The following RBFOX1 variants were observed in gnomAD, a reference collection of about 807,000 sequenced individuals.
RBFOX1 encodes RNA binding fox-1 homolog 1, also known as RNA binding protein fox-1 homolog 1.
A neutral mutation model predicts 57.7 loss-of-function variants in RBFOX1; 8 were observed. The observed-to-expected ratio is 0.14, with a 90% CI of 0.08 to 0.25. The LOEUF is 0.25. Among genes scored for constraint, RBFOX1 ranks in the 10% least tolerant of loss-of-function variants. The pLI, the probability that RBFOX1 is intolerant of heterozygous loss-of-function variation, is 1.00. For synonymous variants in RBFOX1, 326 were observed against 222.4 expected (o/e 1.47, Z -4.15); for missense variants, 611 against 548.5 (o/e 1.11, Z -1.14).
rs117840579 is a variant in RBFOX1 at position 6,337,803 on chromosome 16, G to A, written c.-64+20746G>A. Among the ~76,000 whole-genome samples, 619 of 152,254 alleles carry A rather than the reference G, an allele frequency of 4.1e-3. 14 individuals are homozygous for A. In the East Asian group the frequency reaches 0.074, roughly 18 times the overall value. Reference sequence around the variant, plus strand: ...TAAGAAAATTTTTCCACGTTGAGACGAATCCTCCTGCCTCTTCTTGAGAAT... The same window carrying A: ...TAAGAAAATTTTTCCACGTTGAGACAAATCCTCCTGCCTCTTCTTGAGAAT... On this transcript the variant is annotated intron_variant, in intron 2 of 15. Coordinates refer to ENST00000550418, the MANE Select transcript of RBFOX1 (RefSeq NM_018723.4).
At chr16:5,481,453 T>C (rs2069538946) in intron 2 of RBFOX1, among the ~76,000 whole-genome samples, 1 of 152,154 alleles carries the variant, frequency 6.6e-6, no homozygotes, top group Admixed American at 6.5e-5. Context: ...GTCAGCAGGG[T>C]TTATTATGGT....
chr16:5,496,894 A>G (rs2043019613), intron 2 of RBFOX1, among the ~76,000 whole-genome samples: 1 of 152,206 alleles, frequency 6.6e-6, no homozygotes, highest in Admixed American at 6.5e-5. Context: ...ATCATTTGCC[A>G]CCATTGATTT....
At chr16:7,694,284 C>A (rs1199756950) in intron 14 of RBFOX1, among the ~76,000 whole-genome samples, 1 of 152,184 alleles carries the variant, frequency 6.6e-6, no homozygotes, top group South Asian at 2.1e-4. Context: ...TAAACTGAAC[C>A]TTACAAATAA....
chr16:5,263,086 G>C (rs961769546), intron 1 of RBFOX1, among the ~76,000 whole-genome samples: 10 of 151,920 alleles, frequency 6.6e-5, no homozygotes, highest in African/African-American at 1.9e-4. Context: ...GGTGGTGGTG[G>C]TGGTGGTGGT....
intron 13 of RBFOX1, among the ~76,000 whole-genome samples, chr16:7,676,424 A>G (rs762200255): frequency 6.6e-6 from 1 of 152,232 alleles, no homozygotes; most frequent in Non-Finnish European, 1.5e-5. Context: ...AATTTTGAAA[A>G]TCTGGAAAGT....
chr16:6,249,928 C>T (rs1274325733), intron 1 of RBFOX1, among the ~76,000 whole-genome samples: 1 of 152,004 alleles, frequency 6.6e-6, no homozygotes. Context: ...CTCCCCACTC[C>T]CCCTACCCCA....
At chr16:6,261,043 T>C (rs1247637452) in intron 1 of RBFOX1, among the ~76,000 whole-genome samples, 1 of 152,208 alleles carries the variant, frequency 6.6e-6, no homozygotes, top group Non-Finnish European at 1.5e-5. Flanking sequence ...CTTAGAGTGC[T>C]ATCATCAACT....
At position 7,304,214 on chromosome 16, in the gene RBFOX1, CAGAGAGAGAGAGAGAG is replaced by C. The variant is rs60200317; in HGVS notation, c.28-213915_28-213900del. 11 of 922,478 alleles carry C rather than the reference CAGAGAGAGAGAGAGAG, an allele frequency of 1.2e-5. No homozygotes were observed. In the South Asian group the frequency reaches 2.1e-4, roughly 18 times the overall value. 57.1% of individuals were successfully genotyped at this position (922,478 alleles called of 1,614,324 possible). ...AGGGGGAGAGAGACAGAGAGAGAGA[CAGAGAGAGAGAGAGAG>C]AGAGAGAGAGAGAGAGACAGCGCGA... On this transcript the variant is annotated intron_variant, in intron 4 of 15. Transcript: ENST00000550418.
chr16:7,438,203 G>A (rs931913148), intron 4 of RBFOX1, among the ~76,000 whole-genome samples: 1 of 152,080 alleles, frequency 6.6e-6, no homozygotes, highest in Non-Finnish European at 1.5e-5. Context: ...TACTAACCAG[G>A]GTACAGTGGC....
At chr16:7,128,933 G>C (rs982740266) in intron 4 of RBFOX1, among the ~76,000 whole-genome samples, 3 of 149,070 alleles carry the variant, frequency 2.0e-5, no homozygotes, top group African/African-American at 7.4e-5. Context: ...CCATTCTCCT[G>C]CCTCAACCTC....
intron 4 of RBFOX1, among the ~76,000 whole-genome samples, chr16:7,278,900 G>A (rs773263316): frequency 6.6e-5 from 10 of 152,108 alleles, no homozygotes; most frequent in African/African-American, 2.2e-4. Context: ...TATTCTGACC[G>A]GGGCTAGAGA....
At chr16:6,633,372 G>C (rs1173484466) in intron 2 of RBFOX1, among the ~76,000 whole-genome samples, 1 of 152,140 alleles carries the variant, frequency 6.6e-6, no homozygotes, top group Non-Finnish European at 1.5e-5. Context: ...CCTCCTCCCA[G>C]GTTCAAGTGA....
intron 2 of RBFOX1, among the ~76,000 whole-genome samples, chr16:5,513,459 T>A (rs1218551655): frequency 1.3e-5 from 2 of 152,176 alleles, no homozygotes; most frequent in Non-Finnish European, 2.9e-5. Flanking sequence ...GTTTGTCAGG[T>A]TCCTCTGCTG....
chr16:5,916,632 G>A (rs2058709477), intron 4 of RBFOX1, among the ~76,000 whole-genome samples: 1 of 152,028 alleles, frequency 6.6e-6, no homozygotes, highest in Non-Finnish European at 1.5e-5. Context: ...AGGAGGAGGA[G>A]GACCTCCTAG....
chr16:6,950,966 C>T (rs2080618461), intron 3 of RBFOX1, among the ~76,000 whole-genome samples: 1 of 151,756 alleles, frequency 6.6e-6, no homozygotes. Flanking sequence ...AGTGCAGTGG[C>T]ATGATCACAG....
chr16:7,107,421 G>A (rs189244505), intron 4 of RBFOX1, among the ~76,000 whole-genome samples: 5 of 152,242 alleles, frequency 3.3e-5, no homozygotes, highest in East Asian at 3.9e-4. Context: ...AGGATTCCTC[G>A]ATTCTTGTAC....
intron 4 of RBFOX1, among the ~76,000 whole-genome samples, chr16:5,955,390 A>G (rs80282384): frequency 0.028 from 1,637 of 59,190 alleles, 64 homozygotes; most frequent in Non-Finnish European, 0.039. Flanking sequence ...ATAAAATAAA[A>G]TAAAATAAAA....
At chr16:5,567,801 A>G (rs12931308) in intron 2 of RBFOX1, among the ~76,000 whole-genome samples, 4,513 of 152,296 alleles carry the variant, frequency 0.03, 105 homozygotes, top group Non-Finnish European at 0.046. Flanking sequence ...GATGGGCCAG[A>G]TATCTTGCCA....
At position 6,902,422 on chromosome 16, in the gene RBFOX1, C is replaced by G. The variant is rs9932037; in HGVS notation, c.-15-149635C>G. 8.1e-3 allele frequency among the ~76,000 whole-genome samples: 1,227 copies of G among 152,134 alleles called. 11 individuals are homozygous for G. The highest frequency in any genetic ancestry group is 0.028 in the African/African-American group (1,149 of 41,502). On this transcript the variant is annotated intron_variant, in intron 3 of 15. Coordinates refer to ENST00000550418, the MANE Select transcript of RBFOX1 (RefSeq NM_018723.4). ...GTCTTCCAGGCCATACTCAGAAGAC[C>G]CAAGAGGAAAAGGTGGTTTTGCCAG...
Sources: allele counts gnomAD v4.1 joint callset (sites outside exome capture counted in the v4.1 genomes callset), GRCh38; gene constraint gnomAD v4.1.1; transcripts MANE v1.5; gene names NCBI Gene and HGNC (gene_info 2026-07-23, HGNC 2026-07-21).